Variants in LINGO1 observed in about 807,000 individuals in gnomAD.
LINGO1 encodes leucine rich repeat and Ig domain containing 1, also known as leucine-rich repeat and immunoglobulin-like domain-containing nogo receptor-interacting protein 1.
In LINGO1, 11 loss-of-function variants were observed where a neutral mutation model predicts 37.3. The observed-to-expected ratio is 0.29, with a 90% CI of 0.19 to 0.49. The LOEUF is 0.49. Ranked by LOEUF, LINGO1 falls within the 20% of genes least tolerant of loss-of-function variation. The pLI is 0.99. For missense variants in LINGO1, 585 were observed against 878.2 expected, an observed-to-expected ratio of 0.67 and a Z score of 4.22; for synonymous variants, 387 against 403.0, an observed-to-expected ratio of 0.96 and a Z score of 0.48.
chr15:77,653,548 G>A (rs1018767506), intron 3 of LINGO1, among the ~76,000 whole-genome samples: 17 of 152,224 alleles, frequency 1.1e-4, no homozygotes, highest in Non-Finnish European at 1.5e-5. Flanking sequence ...CCTTAATAAA[G>A]TCAAGGTATT....
At chr15:77,798,614 C>A (rs955904148) in intron 1 of LINGO1, among the ~76,000 whole-genome samples, 1 of 152,218 alleles carries the variant, frequency 6.6e-6, no homozygotes, top group South Asian at 2.1e-4. Context: ...GGGAGCCGGG[C>A]ACTCTCCTGG....
chr15:77,673,743 C>T (rs2075286859), intron 3 of LINGO1, among the ~76,000 whole-genome samples: 1 of 152,100 alleles, frequency 6.6e-6, no homozygotes, highest in Admixed American at 6.5e-5. Context: ...GTATCTCTAG[C>T]CCAGACCTGT....
At chr15:77,776,291 G>A (rs1420630326) in intron 1 of LINGO1, among the ~76,000 whole-genome samples, 1 of 152,086 alleles carries the variant, frequency 6.6e-6, no homozygotes, top group Non-Finnish European at 1.5e-5. Context: ...GGCACATTAA[G>A]GCATCACTCT....
At chr15:77,770,723 A>G (rs902173792) in intron 1 of LINGO1, among the ~76,000 whole-genome samples, 1 of 152,186 alleles carries the variant, frequency 6.6e-6, no homozygotes, top group Non-Finnish European at 1.5e-5. Flanking sequence ...TCAGGACACA[A>G]TGCATCCTCC....
At chr15:77,632,966 G>A (rs1445343991), upstream of LINGO1, among the ~76,000 whole-genome samples, 2 of 151,334 alleles carry the variant, frequency 1.3e-5, no homozygotes, top group Admixed American at 1.3e-4. The surrounding 1 kb of genome is among the most constrained non-coding windows in gnomAD (Gnocchi z 6.0). Context: ...CGAGTGAGCC[G>A]CGGGAGCCGG....
chr15:77,642,508 C>T (rs2074530979), intron 3 of LINGO1, among the ~76,000 whole-genome samples: 1 of 152,246 alleles, frequency 6.6e-6, no homozygotes, highest in African/African-American at 2.4e-5. Context: ...TGAGATGTTC[C>T]CTTCCAGGCA....
chr15:77,758,601 T>C (rs928420791), intron 1 of LINGO1, among the ~76,000 whole-genome samples: 3 of 152,116 alleles, frequency 2.0e-5, no homozygotes, highest in Non-Finnish European at 4.4e-5. Context: ...AAGCCTCGTA[T>C]TCTTGATGAG....
At chr15:77,721,209 G>A (rs1012441645) in intron 2 of LINGO1, among the ~76,000 whole-genome samples, 2 of 151,818 alleles carry the variant, frequency 1.3e-5, no homozygotes, top group Non-Finnish European at 2.9e-5. Flanking sequence ...GCCCTCGTGA[G>A]ACCCGGCCCT....
At chr15:77,776,550 G>GGAAGGCAGGAAAGC (rs2076655895) in intron 1 of LINGO1, among the ~76,000 whole-genome samples, 20 of 44,974 alleles carry the variant, frequency 4.4e-4, no homozygotes, top group Admixed American at 2.7e-3. Context: ...GGGAGGGAGG[G>GGAAGGCAGGAAAGC]AGGGAGGGAG....
intron 2 of LINGO1, among the ~76,000 whole-genome samples, chr15:77,678,391 T>C (rs991599838): frequency 3.9e-5 from 6 of 152,236 alleles, no homozygotes; most frequent in African/African-American, 1.4e-4. Flanking sequence ...CCTGTTGTTT[T>C]GCGTTTTCCA....
Position 77,744,427 on chromosome 15 carries a change from G to A in LINGO1, c.-256-9374C>T, listed in dbSNP as rs370683379. ...TGCTCATCTGTAATCCCAGCTACTC[G>A]GGAGGCTGAGGTGGGAGAATCACCT... On this transcript the variant is annotated intron_variant, in intron 1 of 3. Coordinates refer to the LINGO1 transcript ENST00000561686. Among the ~76,000 whole-genome samples, 133 of 152,080 alleles carry A rather than the reference G, an allele frequency of 8.7e-4. 2 individuals carry two copies. In the South Asian group the frequency reaches 0.026, roughly 29 times the overall value.
rs554113503 is a variant in LINGO1 at position 77,792,581 on chromosome 15, TGAGAAGGGCTCCA to T, written c.-343+3345_-343+3357del. ...GGCCCCTCATCCGAGAGGACTTTCC[TGAGAAGGGCTCCA>T]GAGAAGGGCTCCAGAGAAGAGCTCC... On this transcript the variant is annotated intron_variant, in intron 2 of 5. Coordinates refer to the LINGO1 transcript ENST00000562933. 4.3e-4 allele frequency among the ~76,000 whole-genome samples: 66 copies of T among 152,364 alleles called. No individual in the cohort carries two copies. In the East Asian group the frequency reaches 9.4e-3, roughly 22 times the overall value.
In LINGO1 at chr15:77,613,948, T is replaced by G. The variant is rs1595972327; in HGVS notation, c.*96A>C. On this transcript the variant is annotated 3_prime_UTR_variant, in exon 2 of 2. Coordinates refer to ENST00000355300, the MANE Select transcript of LINGO1 (RefSeq NM_032808.7). The stretch of plus-strand genomic sequence containing the variant: ...GAGAAAGAGAACGTGTGTAGAAGGG[T>G]AGGGAGGAGGTGGGAAGGACTGGAG... The G allele has an allele frequency of 2.0e-6, 2 of 988,806 alleles. No homozygotes were observed. Among genetic ancestry groups the G allele is most frequent in the Non-Finnish European group, 2.9e-6 (2 of 678,882 alleles). The allele number at this position is 988,806 out of a possible 1,614,324, so 61.3% of individuals were successfully genotyped here.
chr15:77,790,172 A>G (rs1018611634), upstream of LINGO1, among the ~76,000 whole-genome samples: 1 of 152,168 alleles, frequency 6.6e-6, no homozygotes, highest in African/African-American at 2.4e-5. Flanking sequence ...ATAGCAGCCT[A>G]GCAAACTAAT....
chr15:77,818,584 C>T (rs1048264249), intron 1 of LINGO1, among the ~76,000 whole-genome samples: 1 of 152,180 alleles, frequency 6.6e-6, no homozygotes, highest in African/African-American at 2.4e-5. Context: ...AAGTTCCCTT[C>T]TTCCAGCCAC....
chr15:77,625,079 A>G (rs1448104676), intron 1 of LINGO1, among the ~76,000 whole-genome samples: 1 of 152,094 alleles, frequency 6.6e-6, no homozygotes, highest in Non-Finnish European at 1.5e-5. Context: ...CCCAGCCGTC[A>G]GGGCCTCTCT....
intron 3 of LINGO1, among the ~76,000 whole-genome samples, chr15:77,640,826 C>T (rs201178599): frequency 8.9e-6 from 1 of 112,046 alleles, no homozygotes; most frequent in Non-Finnish European, 1.8e-5. Flanking sequence ...CCATTCATCT[C>T]CTCATTCATT....
At chr15:77,765,498 G>A (rs1022859869) in intron 1 of LINGO1, among the ~76,000 whole-genome samples, 1 of 152,078 alleles carries the variant, frequency 6.6e-6, no homozygotes, top group Non-Finnish European at 1.5e-5. Context: ...TCAGGAACTG[G>A]TAGCACCAGG....
chr15:77,756,878 C>T (rs1421639376), intron 1 of LINGO1, among the ~76,000 whole-genome samples: 2 of 152,196 alleles, frequency 1.3e-5, no homozygotes, highest in East Asian at 3.8e-4. Context: ...ACGTGCACCA[C>T]CTCGCACACA....
Sources: allele counts gnomAD v4.1 joint callset (sites outside exome capture counted in the v4.1 genomes callset), GRCh38; gene constraint gnomAD v4.1.1; non-coding constraint Gnocchi (gnomAD v3.1); transcripts MANE v1.5; gene names NCBI Gene and HGNC (gene_info 2026-07-23, HGNC 2026-07-21).